COL5A2: variants seen among roughly 807,000 people sequenced by gnomAD.
COL5A2 encodes collagen alpha-2(V) chain.
Under a neutral mutation model 208.2 loss-of-function variants are expected in COL5A2, and 23 were observed. The ratio of observed to expected loss-of-function variants is 0.11; its 90% CI spans 0.08 to 0.16. COL5A2 has a LOEUF of 0.16. COL5A2 is among the 10% of genes least tolerant of loss of function. COL5A2 has a pLI of 1.00. For missense variants in COL5A2, 1,590 were observed against 1,956.4 expected, an observed-to-expected ratio of 0.81 and a Z score of 3.53; for synonymous variants, 625 against 628.5, an observed-to-expected ratio of 0.99 and a Z score of 0.08.
At chr2:189,153,351 C>T (rs746432195) in intron 1 of COL5A2, among the ~76,000 whole-genome samples, 1 of 152,122 alleles carries the variant, frequency 6.6e-6, no homozygotes, top group African/African-American at 2.4e-5. Flanking sequence ...ATTATAACCT[C>T]CATTCTACAG....
the COL5A2 span, among the ~76,000 whole-genome samples, chr2:189,338,091 A>G: frequency 1.4e-4 from 22 of 152,346 alleles, no homozygotes; most frequent in Middle Eastern, 3.4e-3. Context: ...GACTAAAAGT[A>G]CAGCCTAAGA....
chr2:189,197,793 T>C (rs904256568), intron 1 of COL5A2, among the ~76,000 whole-genome samples: 1 of 151,750 alleles, frequency 6.6e-6, no homozygotes, highest in African/African-American at 2.4e-5. Context: ...ATTACCAGTA[T>C]GGCCAGATGC....
chr2:189,085,838 T>C, intron 9 of COL5A2, 66 bp from the exon 10 acceptor site: 2 of 1,285,918 alleles, frequency 1.6e-6, no homozygotes, highest in Non-Finnish European at 2.3e-6. Context: ...CTGTACTCTG[T>C]CAATATACAG....
At chr2:189,057,163 G>C in intron 34 of COL5A2, 137 bp from the exon 35 acceptor site, 1 of 1,085,414 alleles carries the variant, frequency 9.2e-7, no homozygotes, top group South Asian at 1.3e-5. Context: ...GCCTCACACT[G>C]TGCATTTTCT....
At chr2:189,310,780 G>A in the COL5A2 span, among the ~76,000 whole-genome samples, 1 of 152,090 alleles carries the variant, frequency 6.6e-6, no homozygotes, top group African/African-American at 2.4e-5. Flanking sequence ...GCAACAACAT[G>A]GATGGAACTG....
At chr2:189,319,201 G>A in the COL5A2 span, among the ~76,000 whole-genome samples, 4 of 152,224 alleles carry the variant, frequency 2.6e-5, no homozygotes, top group African/African-American at 4.8e-5. Flanking sequence ...CAAGATGGCC[G>A]AATAGGAACA....
At chr2:189,312,980 G>A in the COL5A2 span, among the ~76,000 whole-genome samples, 1 of 152,082 alleles carries the variant, frequency 6.6e-6, no homozygotes, top group Non-Finnish European at 1.5e-5. Context: ...CATTGCAGGA[G>A]CTGACAGACA....
At chr2:189,204,061 C>A (rs1223732967) in intron 1 of COL5A2, among the ~76,000 whole-genome samples, 1 of 152,088 alleles carries the variant, frequency 6.6e-6, no homozygotes, top group Non-Finnish European at 1.5e-5. Context: ...CCACGCCCGG[C>A]TAATTTTTTG....
At chr2:189,412,505 T>G in the COL5A2 span, among the ~76,000 whole-genome samples, 1 of 152,206 alleles carries the variant, frequency 6.6e-6, no homozygotes, top group Non-Finnish European at 1.5e-5. Context: ...TAGGCAAGCA[T>G]AATGCAAACC....
At chr2:189,041,401 T>C (rs1275426203) in intron 50 of COL5A2, among the ~76,000 whole-genome samples, 185 bp downstream of exon 50, 1 of 152,218 alleles carries the variant, frequency 6.6e-6, no homozygotes, top group Non-Finnish European at 1.5e-5. Flanking sequence ...GACTCTGATT[T>C]TATGTGCTCT....
chr2:189,316,955 T>C, the COL5A2 span, among the ~76,000 whole-genome samples: 1 of 152,090 alleles, frequency 6.6e-6, no homozygotes, highest in Non-Finnish European at 1.5e-5. Context: ...CTCCATGATG[T>C]GCTTATCTCA....
At position 189,051,230 on chromosome 2, in the gene COL5A2, T is replaced by C. The variant is rs1303084064; in HGVS notation, c.2931+90A>G. 1.9e-6 allele frequency: 3 copies of C among 1,540,918 alleles called. No individual in the cohort carries two copies. The African/African-American group carries it at 4.1e-5, about 21-fold the overall frequency. ...TTTTAGGAATGTGCCCAGCATAATA[T>C]TTAAGCATTTTTGTGACACTGATCA... is the stretch of plus-strand genomic sequence containing the variant. On this transcript the variant is annotated intron_variant, in intron 42 of 53. Transcript: ENST00000374866.
At chr2:189,146,591 T>C (rs1394965619) in intron 1 of COL5A2, among the ~76,000 whole-genome samples, 1 of 152,034 alleles carries the variant, frequency 6.6e-6, no homozygotes, top group Non-Finnish European at 1.5e-5. Context: ...AAAAAAGGAA[T>C]GCCATATAAA....
chr2:189,261,660 A>T, the COL5A2 span, among the ~76,000 whole-genome samples: 1 of 152,202 alleles, frequency 6.6e-6, no homozygotes, highest in African/African-American at 2.4e-5. Flanking sequence ...TGTTCTTTCA[A>T]CTTGTAATAC....
upstream of COL5A2, among the ~76,000 whole-genome samples, chr2:189,229,906 T>C (rs1161958173): frequency 1.3e-5 from 2 of 151,824 alleles, no homozygotes; most frequent in African/African-American, 2.4e-5. Flanking sequence ...GAAGATATTA[T>C]ACTTCCTGAT....
At chr2:189,435,179 G>A in the COL5A2 span, among the ~76,000 whole-genome samples, 2 of 152,196 alleles carry the variant, frequency 1.3e-5, no homozygotes, top group African/African-American at 4.8e-5. Context: ...ATTCATTCAA[G>A]ATGGATTAAA....
At chr2:189,371,497 T>A in the COL5A2 span, among the ~76,000 whole-genome samples, 4 of 152,098 alleles carry the variant, frequency 2.6e-5, no homozygotes, top group South Asian at 8.3e-4. Context: ...ATATAGACAG[T>A]GGAGGCTAGG....
chr2:189,121,553 C>G lies in COL5A2; in HGVS notation c.98-11104G>C, dbSNP rs79741954. ...CGGGCCAGCAGTCCAGAAGCCAAGA[C>G]AGTGGTGCACAGCAACATGGCAGGA... On this transcript the variant is annotated intron_variant, in intron 1 of 53. Transcript: ENST00000374866. 6.9e-3 allele frequency among the ~76,000 whole-genome samples: 1,042 copies of G among 152,068 alleles called. 10 individuals are homozygous for G. Among genetic ancestry groups the G allele is most frequent in the South Asian group, 8.5e-3 (41 of 4,818 alleles).
At chr2:189,152,614 G>T (rs921145056) in intron 1 of COL5A2, among the ~76,000 whole-genome samples, 2 of 152,112 alleles carry the variant, frequency 1.3e-5, no homozygotes, top group African/African-American at 4.8e-5. Flanking sequence ...CCACCCCCTG[G>T]GAAAATAGTT....
Sources: allele counts gnomAD v4.1 joint callset (sites outside exome capture counted in the v4.1 genomes callset), GRCh38; gene constraint gnomAD v4.1.1; transcripts MANE v1.5; gene names NCBI Gene and HGNC (gene_info 2026-07-23, HGNC 2026-07-21).